The following ZNF385B variants were observed in gnomAD, a reference collection of about 807,000 sequenced individuals.
The protein encoded by ZNF385B is zinc finger protein 385B.
ZNF385B carries 23 observed loss-of-function variants against 39.2 expected under a neutral mutation model. The observed-to-expected ratio is 0.59, with a 90% CI of 0.42 to 0.83. The LOEUF is 0.83. Among genes scored for constraint, ZNF385B ranks in the 40% least tolerant of loss-of-function variants. ZNF385B has a pLI of 0.00. For missense variants in ZNF385B, 552 were observed against 598.9 expected, an observed-to-expected ratio of 0.92 and a Z score of 0.82; for synonymous variants, 205 against 222.6, an observed-to-expected ratio of 0.92 and a Z score of 0.70.
At chr2:179,671,319 G>A (rs1031175333) in intron 3 of ZNF385B, among the ~76,000 whole-genome samples, 3 of 152,178 alleles carry the variant, frequency 2.0e-5, no homozygotes, top group African/African-American at 7.2e-5. Context: ...CACCATGGAT[G>A]CAATCTGGTC....
At chr2:179,779,990 A>T (rs62180393) in intron 1 of ZNF385B, among the ~76,000 whole-genome samples, 7,096 of 152,144 alleles carry the variant, frequency 0.047, 250 homozygotes, top group Middle Eastern at 0.078. Context: ...ATTCTGATTT[A>T]ATTGGTCTGC....
intron 3 of ZNF385B, among the ~76,000 whole-genome samples, chr2:179,593,421 G>A (rs1050947669): frequency 1.3e-5 from 2 of 152,026 alleles, no homozygotes; most frequent in African/African-American, 4.8e-5. Flanking sequence ...TTATATTTCT[G>A]AAATACAATT....
intron 5 of ZNF385B, among the ~76,000 whole-genome samples, chr2:179,496,133 C>A (rs2056176744): frequency 6.6e-6 from 1 of 152,016 alleles, no homozygotes; most frequent in Admixed American, 6.6e-5. Context: ...AACAAAGAGA[C>A]TGAAGTAATT....
intron 3 of ZNF385B, among the ~76,000 whole-genome samples, chr2:179,553,965 G>A (rs1205031945): frequency 6.7e-6 from 1 of 148,820 alleles, no homozygotes; most frequent in Non-Finnish European, 1.5e-5. Flanking sequence ...AGACTCCTGG[G>A]AGCACTGCTT....
intron 5 of ZNF385B, among the ~76,000 whole-genome samples, chr2:179,493,782 C>CAT (rs1559338426): frequency 1.1e-5 from 1 of 89,526 alleles, no homozygotes; most frequent in African/African-American, 4.1e-5. Flanking sequence ...TATGTATATA[C>CAT]ACATATGTAT....
intron 4 of ZNF385B, among the ~76,000 whole-genome samples, chr2:179,535,037 A>C (rs771472357): frequency 1.3e-5 from 2 of 152,194 alleles, no homozygotes; most frequent in Non-Finnish European, 2.9e-5. Flanking sequence ...ATCATACTAT[A>C]ATGGCAATGG....
chr2:179,826,642 A>G (rs1707698892), intron 1 of ZNF385B, among the ~76,000 whole-genome samples: 1 of 152,178 alleles, frequency 6.6e-6, no homozygotes, highest in Non-Finnish European at 1.5e-5. Context: ...AAATGGACCT[A>G]AAATGAACAG....
chr2:179,654,329 TAGA>T (rs1484221738), intron 3 of ZNF385B, among the ~76,000 whole-genome samples: 1 of 152,120 alleles, frequency 6.6e-6, no homozygotes, highest in Admixed American at 6.5e-5. Context: ...ACCCAATGGT[TAGA>T]AGGAGTCTTG....
chr2:179,639,970 G>A (rs1411929405), intron 3 of ZNF385B, among the ~76,000 whole-genome samples: 1 of 152,158 alleles, frequency 6.6e-6, no homozygotes, highest in African/African-American at 2.4e-5. Flanking sequence ...TACCTGTGCA[G>A]ATAGCCTGCC....
chr2:179,580,403 C>G (rs1686354491), intron 3 of ZNF385B, among the ~76,000 whole-genome samples: 1 of 152,108 alleles, frequency 6.6e-6, no homozygotes, highest in Admixed American at 6.6e-5. Flanking sequence ...AAAACACTCA[C>G]TCTTTGTGGG....
intron 3 of ZNF385B, among the ~76,000 whole-genome samples, chr2:179,583,573 A>G (rs1405261173): frequency 6.6e-6 from 1 of 152,236 alleles, no homozygotes; most frequent in Non-Finnish European, 1.5e-5. Context: ...AAACTAAGCC[A>G]GAATTTAAAC....
At chr2:179,475,337 A>C (rs912741565) in intron 6 of ZNF385B, among the ~76,000 whole-genome samples, 8 of 144,268 alleles carry the variant, frequency 5.5e-5, no homozygotes, top group Admixed American at 2.2e-4. Context: ...TGCAACCTCC[A>C]CCTCCTAGGG....
At chr2:179,751,354 A>G (rs1702662553) in intron 3 of ZNF385B, among the ~76,000 whole-genome samples, 1 of 152,118 alleles carries the variant, frequency 6.6e-6, no homozygotes, top group African/African-American at 2.4e-5. Context: ...GAGTGAAGAA[A>G]CTATCATACT....
intron 1 of ZNF385B, among the ~76,000 whole-genome samples, chr2:179,773,687 C>T (rs1385972): frequency 0.12 from 18,636 of 152,130 alleles, 1,680 homozygotes; most frequent in East Asian, 0.49. Context: ...GAGGGCAAGA[C>T]GCCAGGGAGA....
chr2:179,712,836 G>C (rs748096321), intron 3 of ZNF385B, among the ~76,000 whole-genome samples: 62 of 152,184 alleles, frequency 4.1e-4, no homozygotes, highest in Non-Finnish European at 6.9e-4. Flanking sequence ...ACTTATAATG[G>C]TTTGGCTTAT....
At chr2:179,681,122 T>C (rs1297497345) in intron 3 of ZNF385B, among the ~76,000 whole-genome samples, 4 of 150,772 alleles carry the variant, frequency 2.7e-5, no homozygotes, top group African/African-American at 7.3e-5. Flanking sequence ...ACTAGACTCA[T>C]TGTGAGTCTT....
At chr2:179,701,737 A>T (rs13405257) in intron 3 of ZNF385B, among the ~76,000 whole-genome samples, 21,919 of 152,212 alleles carry the variant, frequency 0.14, 1,779 homozygotes, top group African/African-American at 0.2. Context: ...CTGCCACCTC[A>T]GGTGCCTTTG....
rs75793338 is a variant in ZNF385B, at chr2:179,470,854, C to G, written c.715+12418G>C. The stretch of plus-strand genomic sequence containing the variant: ...GCAAGCTGGTCAGTTACAAACTTTG[C>G]TGTATGTCCCTGAAACAAACAAACA... On this transcript the variant is annotated intron_variant, in intron 6 of 9. Coordinates refer to ENST00000410066, the MANE Select transcript of ZNF385B (RefSeq NM_152520.6). 5.3e-3 allele frequency among the ~76,000 whole-genome samples: 662 copies of G among 124,792 alleles called. 4 individuals carry two copies. The highest frequency in any genetic ancestry group is 0.018 in the African/African-American group (621 of 34,478). The allele number at this position is 124,792 out of a possible 152,430, so 81.9% of individuals were successfully genotyped here.
chr2:179,622,232 A>G (rs1042923168), intron 3 of ZNF385B, among the ~76,000 whole-genome samples: 1 of 152,042 alleles, frequency 6.6e-6, no homozygotes, highest in Admixed American at 6.6e-5. Context: ...GCAACTATTA[A>G]TAAAAATGTA....
Sources: gnomAD v4.1 joint callset for allele counts (sites outside exome capture counted in the v4.1 genomes callset) on GRCh38, gnomAD v4.1.1 for gene constraint, MANE v1.5 for transcripts, NCBI Gene and HGNC (gene_info 2026-07-23, HGNC 2026-07-21) for gene names.